Variants in BCR observed in about 807,000 individuals in gnomAD.
The protein encoded by BCR is BCR activator of RhoGEF and GTPase.
A neutral mutation model predicts 138.6 loss-of-function variants in BCR; 58 were observed. That is an observed-to-expected ratio of 0.42 (90% CI 0.34 to 0.52). The LOEUF is 0.52. Among genes scored for constraint, BCR ranks in the 20% least tolerant of loss-of-function variants. BCR has a pLI of 0.06. For synonymous variants in BCR, 786 were observed against 730.1 expected, an observed-to-expected ratio of 1.08 and a Z score of -1.23; for missense variants, 1,599 against 1,727.2, an observed-to-expected ratio of 0.93 and a Z score of 1.32.
chr22:23,299,227 G>A (rs574860502), intron 16 of BCR, among the ~76,000 whole-genome samples: 1 of 151,420 alleles, frequency 6.6e-6, no homozygotes, highest in Non-Finnish European at 1.5e-5. Flanking sequence ...CTCATGATCC[G>A]CCCTCCTCAG....
At chr22:23,270,357 C>T (rs951232792) in intron 5 of BCR, among the ~76,000 whole-genome samples, 1 of 152,264 alleles carries the variant, frequency 6.6e-6, no homozygotes, top group South Asian at 2.1e-4. Context: ...TTGGGAAATG[C>T]AGGGTTAAAC....
At chr22:23,193,588 C>T (rs977193878) in intron 1 of BCR, among the ~76,000 whole-genome samples, 1 of 152,224 alleles carries the variant, frequency 6.6e-6, no homozygotes, top group Admixed American at 6.5e-5. Context: ...TGTGTCAGGG[C>T]CCTCATTCTC....
intron 10 of BCR, among the ~76,000 whole-genome samples, chr22:23,286,411 C>G (rs900542599): frequency 6.6e-6 from 1 of 152,212 alleles, no homozygotes; most frequent in Non-Finnish European, 1.5e-5. Flanking sequence ...TGTACCCAAA[C>G]CCAGCACACT....
At chr22:23,221,318 T>TG (rs2072821937) in intron 1 of BCR, among the ~76,000 whole-genome samples, 1 of 152,144 alleles carries the variant, frequency 6.6e-6, no homozygotes, top group African/African-American at 2.4e-5. Context: ...AGAGGAGCCA[T>TG]GGGGGACCAT....
intron 14 of BCR, among the ~76,000 whole-genome samples, chr22:23,291,297 G>A (rs1033586134): frequency 6.6e-6 from 1 of 151,918 alleles, no homozygotes; most frequent in Non-Finnish European, 1.5e-5. Context: ...TGGGAGAGAG[G>A]ACTAACTGCA....
chr22:23,242,922 C>G (rs554722394), intron 1 of BCR: 1 of 455,474 alleles, frequency 2.2e-6, no homozygotes, highest in East Asian at 7.0e-5. Flanking sequence ...TGATGGCCCA[C>G]GGCATTCCTC....
At chr22:23,299,197 C>T (rs1028614388) in intron 16 of BCR, among the ~76,000 whole-genome samples, 4 of 151,904 alleles carry the variant, frequency 2.6e-5, no homozygotes, top group East Asian at 3.9e-4. Context: ...GGGGTTTCAC[C>T]GTGGTCTCGA....
intron 1 of BCR, among the ~76,000 whole-genome samples, chr22:23,228,849 A>G (rs2072921641): frequency 6.6e-6 from 1 of 150,960 alleles, no homozygotes; most frequent in African/African-American, 2.4e-5. Flanking sequence ...TTCTTTCTTT[A>G]TCCTGTTTGG....
In BCR at chr22:23,271,515, C is replaced by G; in HGVS notation, c.1861-17C>G. The G allele has an allele frequency of 6.2e-7, 1 of 1,613,548 alleles. No individual in the cohort carries two copies. Among genetic ancestry groups the G allele is most frequent in the Non-Finnish European group, 8.5e-7 (1 of 1,179,642 alleles). On this transcript the variant is annotated splice_polypyrimidine_tract_variant and intron_variant, in intron 5 of 22. Transcript: ENST00000305877. ...TGCTTCTGTCATCTGTGTGAACATGCGCTTTTCTCTCTGCAGAACCTGAGA... is the reference window on the plus strand; with the variant it reads ...TGCTTCTGTCATCTGTGTGAACATGGGCTTTTCTCTCTGCAGAACCTGAGA...
intron 1 of BCR, among the ~76,000 whole-genome samples, chr22:23,232,707 C>T (rs2146245177): frequency 6.6e-6 from 1 of 152,348 alleles, no homozygotes; most frequent in African/African-American, 2.4e-5. Flanking sequence ...GCATGGGCGG[C>T]CCCATCTGCC....
intron 2 of BCR, 37 bp downstream of exon 2, chr22:23,254,017 G>A (rs749245847): frequency 6.3e-7 from 1 of 1,579,122 alleles, no homozygotes; most frequent in Admixed American, 1.8e-5. Context: ...AGGAGGGCCA[G>A]GTGAGGCTCC....
At chr22:23,197,356 A>G (rs976679971) in intron 1 of BCR, among the ~76,000 whole-genome samples, 2 of 152,220 alleles carry the variant, frequency 1.3e-5, no homozygotes, top group African/African-American at 4.8e-5. Flanking sequence ...GCATTTCTCA[A>G]CATATCCCCT....
intron 1 of BCR, among the ~76,000 whole-genome samples, chr22:23,191,985 G>T (rs752871421): frequency 2.8e-4 from 43 of 152,260 alleles, no homozygotes; most frequent in Non-Finnish European, 5.6e-4. Context: ...AGCTGTCTTG[G>T]GTTCTAGCTC....
chr22:23,188,586 T>A (rs1372519138), intron 1 of BCR, among the ~76,000 whole-genome samples: 2 of 152,152 alleles, frequency 1.3e-5, no homozygotes, highest in African/African-American at 4.8e-5. Flanking sequence ...GTCCCCTGTT[T>A]AGAGTGAATG....
At chr22:23,188,293 C>T (rs1041656818) in intron 1 of BCR, among the ~76,000 whole-genome samples, 1 of 152,242 alleles carries the variant, frequency 6.6e-6, no homozygotes, top group Non-Finnish European at 1.5e-5. Flanking sequence ...ATGGAGCATT[C>T]TGAAACATTT....
At chr22:23,210,760 CT>C (rs1482328154) in intron 1 of BCR, among the ~76,000 whole-genome samples, 1 of 152,170 alleles carries the variant, frequency 6.6e-6, no homozygotes, top group Non-Finnish European at 1.5e-5. Flanking sequence ...TTGGCTCTGG[CT>C]TTTTTCACTT....
chr22:23,181,450 G>T lies in BCR; in HGVS notation c.490G>T (p.Gly164Cys). 6.2e-7 allele frequency: 1 copy of T among 1,603,532 alleles called. No individual in the cohort carries two copies. Among genetic ancestry groups the T allele is most frequent in the Non-Finnish European group, 8.5e-7 (1 of 1,173,764 alleles). Residue 164 changes from glycine (G) to cysteine (C), a missense_variant, in exon 1 of 23, where the codon GGC becomes TGC. Coordinates refer to ENST00000305877, the MANE Select transcript of BCR (RefSeq NM_004327.4). ...GTCCAACTTCGAGCGGATCCGCAAG[G>T]GCCATGGCCAGCCCGGGGCGGACGC... Reference protein sequence around the residue: ...LRSNFERIRKGHGQPGADAEK... With the variant: ...LRSNFERIRKCHGQPGADAEK...
intron 1 of BCR, among the ~76,000 whole-genome samples, chr22:23,209,233 G>A (rs767053266): frequency 6.6e-6 from 1 of 151,802 alleles, no homozygotes; most frequent in Non-Finnish European, 1.5e-5. Flanking sequence ...GGTGGCACAC[G>A]CCTCTAGTCT....
At chr22:23,264,606 C>A (rs2073416036) in intron 4 of BCR, 2 of 337,496 alleles carry the variant, frequency 5.9e-6, no homozygotes, top group East Asian at 6.4e-5. Flanking sequence ...TGCAGCTGAA[C>A]CTCGGCCCTG....
Sources: gnomAD v4.1 joint callset for allele counts (sites outside exome capture counted in the v4.1 genomes callset) on GRCh38, gnomAD v4.1.1 for gene constraint, MANE v1.5 for transcripts, NCBI Gene and HGNC (gene_info 2026-07-23, HGNC 2026-07-21) for gene names.